Variants in MLLT3 observed in about 807,000 individuals in gnomAD.
MLLT3 encodes protein AF-9.
Under a neutral mutation model 53.2 loss-of-function variants are expected in MLLT3, and 4 were observed. The ratio of observed to expected loss-of-function variants is 0.08; its 90% CI spans 0.04 to 0.17. The LOEUF is 0.17. MLLT3 is among the 10% of genes least tolerant of loss of function. MLLT3 has a pLI of 1.00. For synonymous variants in MLLT3, 283 were observed against 230.6 expected, an observed-to-expected ratio of 1.23 and a Z score of -2.06; for missense variants, 569 against 684.0, an observed-to-expected ratio of 0.83 and a Z score of 1.87.
chr9:20,402,151 C>CA (rs1241701999), intron 5 of MLLT3, among the ~76,000 whole-genome samples: 6 of 152,072 alleles, frequency 3.9e-5, no homozygotes, highest in Non-Finnish European at 8.8e-5. Context: ...AGGAATCAAG[C>CA]AAAAAGTAAG....
chr9:20,457,240 T>C (rs1823993381), intron 2 of MLLT3, among the ~76,000 whole-genome samples: 2 of 119,628 alleles, frequency 1.7e-5, no homozygotes, highest in Non-Finnish European at 3.2e-5. Context: ...AAGGACATCT[T>C]TTTTTTTTTT....
At chr9:20,495,827 C>G (rs1825067971) in intron 2 of MLLT3, among the ~76,000 whole-genome samples, 1 of 152,144 alleles carries the variant, frequency 6.6e-6, no homozygotes, top group Non-Finnish European at 1.5e-5. Flanking sequence ...ATTTACTTCA[C>G]AAATTAATTT....
At chr9:20,558,300 T>C (rs1192119530) in intron 2 of MLLT3, among the ~76,000 whole-genome samples, 1 of 152,180 alleles carries the variant, frequency 6.6e-6, no homozygotes, top group Non-Finnish European at 1.5e-5. Flanking sequence ...TTTTTTGTTT[T>C]TGTTTTTGTT....
chr9:20,520,927 T>C (rs887506695), intron 2 of MLLT3, among the ~76,000 whole-genome samples: 1 of 152,110 alleles, frequency 6.6e-6, no homozygotes, highest in African/African-American at 2.4e-5. Context: ...AAGCAGGACA[T>C]GTAGAATAGT....
chr9:20,397,301 C>T (rs931623603), intron 5 of MLLT3, among the ~76,000 whole-genome samples: 2 of 152,062 alleles, frequency 1.3e-5, no homozygotes, highest in Non-Finnish European at 2.9e-5. Context: ...ATTTAATTAA[C>T]ATAATTAGAA....
intron 4 of MLLT3, among the ~76,000 whole-genome samples, chr9:20,440,083 A>C (rs1823506050): frequency 6.6e-6 from 1 of 152,210 alleles, no homozygotes; most frequent in Non-Finnish European, 1.5e-5. Flanking sequence ...ATGTCAATAA[A>C]TAAACTAATT....
At chr9:20,348,453 G>A (rs1037834673) in intron 10 of MLLT3, among the ~76,000 whole-genome samples, 1 of 152,200 alleles carries the variant, frequency 6.6e-6, no homozygotes, top group Non-Finnish European at 1.5e-5. Context: ...GCTTGGAAGT[G>A]CAGCAGCTGT....
Position 20,456,773 on chromosome 9 carries a change from T to C in MLLT3, c.207A>G (p.Pro69=). Residue 69 remains proline (P), a synonymous_variant, in exon 3 of 11, where the codon CCA becomes CCG. Transcript: ENST00000380338. ...ACCCAGATTCTTCTACTTTGTAAGGTGGATCTTTGCACACTGCAACATTAA... is the reference window on the plus strand; with the variant it reads ...ACCCAGATTCTTCTACTTTGTAAGGCGGATCTTTGCACACTGCAACATTAA... ...FPRPKRVCKD[P]PYKVEESGYA... 2 of 1,599,516 alleles carry C rather than the reference T, an allele frequency of 1.3e-6. No homozygotes were observed. The highest frequency in any genetic ancestry group is 1.7e-6 in the Non-Finnish European group (2 of 1,175,596).
At chr9:20,468,808 T>G (rs1295715323) in intron 2 of MLLT3, among the ~76,000 whole-genome samples, 2 of 152,174 alleles carry the variant, frequency 1.3e-5, no homozygotes, top group Non-Finnish European at 2.9e-5. Context: ...TGAAAGCAAA[T>G]GCATTTTTTC....
At position 20,353,618 on chromosome 9, in the gene MLLT3, G is replaced by A. The variant is rs1321621393; in HGVS notation, c.1504-22C>T. On this transcript the variant is annotated intron_variant, in intron 9 of 10. Coordinates refer to ENST00000380338, the MANE Select transcript of MLLT3 (RefSeq NM_004529.4). Reference sequence around the variant, plus strand: ...ATGCCTGAAAGAGAAGAATGTCCCCGAAAAGGACAAGCACTTTAAGTAGTA... The same window carrying A: ...ATGCCTGAAAGAGAAGAATGTCCCCAAAAAGGACAAGCACTTTAAGTAGTA... 4.4e-6 allele frequency: 7 copies of A among 1,598,658 alleles called. No homozygotes were observed. The East Asian group carries it at 6.7e-5, about 15-fold the overall frequency.
intron 3 of MLLT3, among the ~76,000 whole-genome samples, chr9:20,450,982 T>G (rs1823825905): frequency 6.6e-6 from 1 of 152,180 alleles, no homozygotes; most frequent in Admixed American, 6.5e-5. Context: ...AAGAATCTCT[T>G]CCATAGAAAT....
At chr9:20,470,280 G>A (rs1051127382) in intron 2 of MLLT3, among the ~76,000 whole-genome samples, 10 of 151,976 alleles carry the variant, frequency 6.6e-5, no homozygotes, top group Admixed American at 5.2e-4. Context: ...TATCACGTTA[G>A]TAGCAAATAT....
chr9:20,439,043 G>C (rs1823477922), intron 4 of MLLT3, among the ~76,000 whole-genome samples: 1 of 152,048 alleles, frequency 6.6e-6, no homozygotes, highest in African/African-American at 2.4e-5. Flanking sequence ...ATCTACACCT[G>C]CAATAATCTA....
intron 2 of MLLT3, among the ~76,000 whole-genome samples, chr9:20,485,834 A>C (rs1204458895): frequency 1.3e-5 from 2 of 152,208 alleles, no homozygotes; most frequent in East Asian, 3.8e-4. Context: ...TTCTTACCAG[A>C]AGCAAATTGG....
rs1052682094 is a variant in MLLT3 at position 20,597,771 on chromosome 9, T to A, written c.193+22883A>T. Among the ~76,000 whole-genome samples, 3 of 152,226 alleles carry A rather than the reference T, an allele frequency of 2.0e-5. No homozygotes were observed. In the East Asian group the frequency reaches 5.8e-4, roughly 29 times the overall value. On this transcript the variant is annotated intron_variant, in intron 2 of 10. Transcript: ENST00000380338. ...AAGAGAAACAAAAAGAAATGGAAAA[T>A]AAAAGGAGTAAGAGATTACAATAAG...
chr9:20,469,428 G>A (rs1441823503), intron 2 of MLLT3, among the ~76,000 whole-genome samples: 1 of 152,036 alleles, frequency 6.6e-6, no homozygotes, highest in East Asian at 1.9e-4. Context: ...TAATCACATT[G>A]AAGCATATTA....
At chr9:20,370,892 G>C (rs934352446) in intron 5 of MLLT3, among the ~76,000 whole-genome samples, 3 of 152,162 alleles carry the variant, frequency 2.0e-5, no homozygotes, top group African/African-American at 7.2e-5. Context: ...CCAAATGCTA[G>C]GCCTCTTGCA....
At chr9:20,513,641 G>A (rs10964589) in intron 2 of MLLT3, among the ~76,000 whole-genome samples, 29,335 of 152,110 alleles carry the variant, frequency 0.19, 2,891 homozygotes, top group Middle Eastern at 0.22. Flanking sequence ...CGTATCTGCA[G>A]CAGTCCATGC....
chr9:20,591,692 G>C (rs1350223349), intron 2 of MLLT3, among the ~76,000 whole-genome samples: 1 of 152,128 alleles, frequency 6.6e-6, no homozygotes, highest in Non-Finnish European at 1.5e-5. Flanking sequence ...TCTTGAATAT[G>C]AAATATTTCA....
Sources: gnomAD v4.1 joint callset for allele counts (sites outside exome capture counted in the v4.1 genomes callset) on GRCh38, gnomAD v4.1.1 for gene constraint, MANE v1.5 for transcripts, NCBI Gene and HGNC (gene_info 2026-07-23, HGNC 2026-07-21) for gene names.